SDK1: variants seen among roughly 807,000 people sequenced by gnomAD.
SDK1 encodes the protein sidekick cell adhesion molecule 1.
A neutral mutation model predicts 245.5 loss-of-function variants in SDK1; 157 were observed. The ratio of observed to expected loss-of-function variants is 0.64; its 90% confidence interval spans 0.56 to 0.73. The LOEUF (loss-of-function observed/expected upper bound fraction) is 0.73. Among genes scored for constraint, SDK1 ranks in the 30% least tolerant of loss-of-function variants. The pLI is 0.00. For missense variants in SDK1, 3,583 were observed against 3,002.3 expected (o/e 1.19, Z -4.52); for synonymous variants, 1,647 against 1,278.5 (o/e 1.29, Z -6.15).
chr7:3,485,077 A>G (rs1475932762), intron 1 of SDK1, among the ~76,000 whole-genome samples: 1 of 152,146 alleles, frequency 6.6e-6, no homozygotes, highest in Non-Finnish European at 1.5e-5. Context: ...AGGACCCTCC[A>G]TACTGTTTTC....
intron 8 of SDK1, among the ~76,000 whole-genome samples, chr7:3,962,185 G>A (rs1781751071): frequency 6.6e-6 from 1 of 152,174 alleles, no homozygotes; most frequent in Admixed American, 6.5e-5. Flanking sequence ...ACAAAGAAAG[G>A]GACAGGTAAT....
chr7:3,818,329 T>G (rs190328012), intron 4 of SDK1, among the ~76,000 whole-genome samples: 1 of 152,230 alleles, frequency 6.6e-6, no homozygotes, highest in African/African-American at 2.4e-5. Context: ...ATTCATATTA[T>G]GGGCAAAGTA....
At chr7:3,546,833 G>A (rs148583151) in intron 1 of SDK1, among the ~76,000 whole-genome samples, 21 of 152,238 alleles carry the variant, frequency 1.4e-4, no homozygotes, top group East Asian at 1.2e-3. Context: ...TTACCTACCC[G>A]TTAGAGTTTA....
At chr7:3,557,016 C>G (rs890104208) in intron 1 of SDK1, among the ~76,000 whole-genome samples, 4 of 141,710 alleles carry the variant, frequency 2.8e-5, no homozygotes, top group African/African-American at 7.5e-5. Flanking sequence ...GGAAAGGTCT[C>G]AAATCAATAA....
chr7:3,606,576 A>C (rs1013015151), intron 1 of SDK1, among the ~76,000 whole-genome samples: 9 of 152,238 alleles, frequency 5.9e-5, no homozygotes, highest in African/African-American at 1.9e-4. Context: ...GTCTTAGAAC[A>C]CAGTGGACTG....
intron 28 of SDK1, 149 bp from the exon 29 acceptor site, chr7:4,145,573 G>A (rs1779908197): frequency 9.3e-6 from 6 of 646,406 alleles, no homozygotes; most frequent in Non-Finnish European, 1.3e-5. Flanking sequence ...ACAGCCATGA[G>A]ACCACCCTTT....
At chr7:4,176,118 C>CTT (rs112511150) in intron 34 of SDK1, among the ~76,000 whole-genome samples, 7,364 of 148,916 alleles carry the variant, frequency 0.049, 238 homozygotes, top group Non-Finnish European at 0.068. Flanking sequence ...TTCCTTCTTC[C>CTT]TTTTTTTTTT....
intron 14 of SDK1, among the ~76,000 whole-genome samples, chr7:4,003,449 C>G (rs1785227207): frequency 2.0e-5 from 3 of 152,290 alleles, no homozygotes; most frequent in African/African-American, 7.2e-5. Flanking sequence ...GTCACTGCCC[C>G]CTTCCGAGCT....
At chr7:3,769,217 C>T (rs1780338574) in intron 4 of SDK1, among the ~76,000 whole-genome samples, 1 of 152,128 alleles carries the variant, frequency 6.6e-6, no homozygotes, top group African/African-American at 2.4e-5. Flanking sequence ...ATACCTGAAG[C>T]TGGGTAATGT....
At chr7:4,226,694 C>T (rs912954787) in intron 40 of SDK1, among the ~76,000 whole-genome samples, 3 of 152,204 alleles carry the variant, frequency 2.0e-5, no homozygotes, top group African/African-American at 7.2e-5. Flanking sequence ...CGTAAGTTTC[C>T]TCCAAATTGG....
chr7:4,076,759 G>C (rs1410976621), intron 20 of SDK1, among the ~76,000 whole-genome samples: 1 of 152,132 alleles, frequency 6.6e-6, no homozygotes, highest in Non-Finnish European at 1.5e-5. Flanking sequence ...GGTAGGGAGG[G>C]ATGGTCCCCT....
chr7:3,635,022 G>T (rs189696066), intron 2 of SDK1, among the ~76,000 whole-genome samples: 1 of 152,140 alleles, frequency 6.6e-6, no homozygotes, highest in Non-Finnish European at 1.5e-5. Flanking sequence ...AATTACTTGT[G>T]CTATTTCTTC....
At chr7:3,498,554 C>G (rs1163817372) in intron 1 of SDK1, among the ~76,000 whole-genome samples, 1 of 152,150 alleles carries the variant, frequency 6.6e-6, no homozygotes, top group Non-Finnish European at 1.5e-5. Context: ...ATTACTGCTA[C>G]AAATTAGTAG....
chr7:3,301,851 C>T lies in SDK1; in HGVS notation c.265C>T (p.Leu89=). The T allele has an allele frequency of 8.8e-7, 1 of 1,135,028 alleles. No individual in the cohort carries two copies. The highest frequency in any genetic ancestry group is 1.1e-6 in the Non-Finnish European group (1 of 926,778). The allele number at this position is 1,135,028 out of a possible 1,614,324, so 70.3% of individuals were successfully genotyped here. The change falls in exon 1 of 45, where the codon CTG becomes TTG. Residue 89 remains leucine (L), a synonymous_variant. Coordinates refer to ENST00000404826, the MANE Select transcript of SDK1 (RefSeq NM_152744.4). ...CCGCGGCTGGTGGGCGCTGCTGGCGCTGCAGCTGCACTTGCTCCGGGCGCT... is the reference window on the plus strand; with the variant it reads ...CCGCGGCTGGTGGGCGCTGCTGGCGTTGCAGCTGCACTTGCTCCGGGCGCT... ...GRRGWWALLA[L]QLHLLRALAQ...
At chr7:3,933,432 G>A (rs931737475) in intron 5 of SDK1, among the ~76,000 whole-genome samples, 11 of 152,104 alleles carry the variant, frequency 7.2e-5, no homozygotes, top group African/African-American at 2.7e-4. Context: ...GTTCGGACAC[G>A]GGATGCTGTT....
intron 17 of SDK1, among the ~76,000 whole-genome samples, chr7:4,021,999 T>G (rs1786932357): frequency 6.6e-6 from 1 of 152,158 alleles, no homozygotes; most frequent in African/African-American, 2.4e-5. Context: ...TGGGGCTGTT[T>G]GGGCATTAAG....
intron 4 of SDK1, among the ~76,000 whole-genome samples, chr7:3,644,786 AAAAAAAC>A (rs1238123865): frequency 2.8e-5 from 4 of 141,082 alleles, no homozygotes; most frequent in African/African-American, 7.7e-5. Flanking sequence ...AAAAAAAAAA[AAAAAAAC>A]AAAAAACAAC....
chr7:4,245,998 C>G (rs1786831217), intron 44 of SDK1, among the ~76,000 whole-genome samples, 193 bp downstream of exon 44: 1 of 152,174 alleles, frequency 6.6e-6, no homozygotes, highest in African/African-American at 2.4e-5. Flanking sequence ...CTGGGCCCCG[C>G]AGAGCTCACA....
At position 3,847,969 on chromosome 7, in the gene SDK1, T is replaced by A. The variant is rs114701679; in HGVS notation, c.847+26386T>A. Among the ~76,000 whole-genome samples, 1,221 of 152,366 alleles carry A rather than the reference T, an allele frequency of 8.0e-3. 16 individuals carry two copies. The highest frequency in any genetic ancestry group is 0.028 in the African/African-American group (1,158 of 41,580). On this transcript the variant is annotated intron_variant, in intron 5 of 44. Transcript: ENST00000404826. ...TTTATGCTTGAAAAACAGTTATTAA[T>A]CATACTATCGTACTTTCCTGCAACA...
Sources: gnomAD v4.1 joint callset for allele counts (sites outside exome capture counted in the v4.1 genomes callset) on GRCh38, gnomAD v4.1.1 for gene constraint, MANE v1.5 for transcripts, NCBI Gene and HGNC (gene_info 2026-07-23, HGNC 2026-07-21) for gene names.